The following CCDC62 variants were observed in gnomAD, a reference collection of about 807,000 sequenced individuals.
CCDC62 encodes the protein coiled-coil domain containing 62, also known as coiled-coil domain-containing protein 62.
In CCDC62, 72 loss-of-function variants were observed where a neutral mutation model predicts 80.8. That is an observed-to-expected ratio of 0.89 (90% CI 0.74 to 1.08). The LOEUF (loss-of-function observed/expected upper bound fraction) is 1.08, where lower values mean the gene tolerates loss of function less well. Ranked by LOEUF, CCDC62 falls within the 50% of genes least tolerant of loss-of-function variation. The pLI is 0.00. For missense variants in CCDC62, 704 were observed against 809.4 expected, an observed-to-expected ratio of 0.87 and a Z score of 1.58; for synonymous variants, 286 against 296.5, an observed-to-expected ratio of 0.96 and a Z score of 0.36.
intron 6 of CCDC62, among the ~76,000 whole-genome samples, chr12:122,793,257 G>A (rs2030739593): frequency 6.6e-6 from 1 of 152,144 alleles, no homozygotes; most frequent in Non-Finnish European, 1.5e-5. Flanking sequence ...TGTACCCCTA[G>A]TAAAAGGGGG....
chr12:122,803,245 C>A (rs2031407021), intron 9 of CCDC62, among the ~76,000 whole-genome samples: 1 of 152,128 alleles, frequency 6.6e-6, no homozygotes, highest in Non-Finnish European at 1.5e-5. Flanking sequence ...CATTTCATAT[C>A]TGTTTGAGAC....
chr12:122,802,410 CTTTTTTTTTTT>C (rs752001572), intron 9 of CCDC62, among the ~76,000 whole-genome samples: 1 of 126,870 alleles, frequency 7.9e-6, no homozygotes, highest in African/African-American at 3.0e-5. Flanking sequence ...TATCTCTACA[CTTTTTTTTTTT>C]TTTTTTTTTG....
intron 9 of CCDC62, among the ~76,000 whole-genome samples, chr12:122,804,361 CCTGTAG>C: frequency 6.6e-6 from 1 of 152,192 alleles, no homozygotes; most frequent in African/African-American, 2.4e-5. Flanking sequence ...GTGGCACACG[CCTGTAG>C]TCCCAGCTAC....
chr12:122,786,470 A>T (rs369911928), intron 4 of CCDC62, among the ~76,000 whole-genome samples: 131 of 152,038 alleles, frequency 8.6e-4, no homozygotes, highest in African/African-American at 3.0e-3. Flanking sequence ...AATGGAGAGA[A>T]AAACCATCTG....
intron 6 of CCDC62, among the ~76,000 whole-genome samples, chr12:122,793,894 C>T (rs762373306): frequency 2.6e-5 from 4 of 152,124 alleles, no homozygotes; most frequent in African/African-American, 4.8e-5. Context: ...AGTGATAACC[C>T]GTTAACGCTG....
At chr12:122,786,813 C>A (rs1380378998) in intron 4 of CCDC62, among the ~76,000 whole-genome samples, 2 of 151,662 alleles carry the variant, frequency 1.3e-5, no homozygotes, top group Non-Finnish European at 2.9e-5. Context: ...ACAAAAAATT[C>A]CCCGGGCGAG....
intron 10 of CCDC62, among the ~76,000 whole-genome samples, chr12:122,809,430 C>T (rs2031771299): frequency 6.6e-6 from 1 of 152,122 alleles, no homozygotes; most frequent in Non-Finnish European, 1.5e-5. Context: ...GCGGAGGCTG[C>T]AGCAAGCTGA....
intron 10 of CCDC62, among the ~76,000 whole-genome samples, chr12:122,812,746 A>G (rs2031957009): frequency 7.7e-6 from 1 of 130,030 alleles, no homozygotes; most frequent in African/African-American, 3.0e-5. Context: ...AGAAAGAGAG[A>G]GAGAGGGAGG....
At chr12:122,814,197 C>A (rs1180895721) in intron 11 of CCDC62, among the ~76,000 whole-genome samples, 1 of 147,298 alleles carries the variant, frequency 6.8e-6, no homozygotes, top group Non-Finnish European at 1.5e-5. Flanking sequence ...AGGAGAATTG[C>A]TTGAACCCCG....
intron 11 of CCDC62, among the ~76,000 whole-genome samples, chr12:122,814,279 C>CA (rs1242349597): frequency 0.012 from 1,382 of 119,464 alleles, 25 homozygotes; most frequent in African/African-American, 0.044. Context: ...AGCTCCACCT[C>CA]AAAAAAAAAA....
intron 3 of CCDC62, among the ~76,000 whole-genome samples, chr12:122,783,385 G>A (rs954200630): frequency 3.3e-4 from 50 of 151,618 alleles, no homozygotes; most frequent in Admixed American, 3.0e-3. Context: ...CCGCCACCAC[G>A]CCCGGCTAAT....
rs1387473716 is a variant in CCDC62 at position 122,801,338 on chromosome 12, A to G, written c.1192A>G (p.Ile398Val). 7.4e-6 allele frequency: 12 copies of G among 1,614,186 alleles called. No individual in the cohort carries two copies. The highest frequency in any genetic ancestry group is 1.0e-5 in the Non-Finnish European group (12 of 1,180,012). The change falls in exon 9 of 13, where the codon ATA becomes GTA. Residue 398 changes from isoleucine (I) to valine (V), a missense_variant. Transcript: ENST00000253079. ...GAAAAGTGTAATTACGCTGTCATCC[A>G]TATTCACCAAAGACTTAGTAGAGAA... ...GEKSVITLSSIFTKDLVEKHN... is the reference protein window; with the variant it reads ...GEKSVITLSSVFTKDLVEKHN...
intron 4 of CCDC62, among the ~76,000 whole-genome samples, chr12:122,787,478 G>T (rs551998890): frequency 7.4e-5 from 11 of 149,192 alleles, no homozygotes; most frequent in Non-Finnish European, 1.5e-5. Flanking sequence ...AAGGTCGGTC[G>T]TGGTGGCTCA....
chr12:122,824,270 G>A lies in CCDC62; in HGVS notation c.*40+811G>A, dbSNP rs570904777. Among the ~76,000 whole-genome samples, 3 of 151,982 alleles carry A rather than the reference G, an allele frequency of 2.0e-5. No individual in the cohort carries two copies. In the East Asian group the frequency reaches 5.8e-4, roughly 30 times the overall value. ...GTTTCTACTAAAAATACAAAAATTA[G>A]CCAAGCATGGTGGCGGGCACCTGTA... On this transcript the variant is annotated intron_variant, in intron 12 of 12. Coordinates refer to ENST00000253079, the MANE Select transcript of CCDC62 (RefSeq NM_201435.5).
chr12:122,816,056 T>G (rs1459057801), intron 11 of CCDC62, among the ~76,000 whole-genome samples: 2 of 152,202 alleles, frequency 1.3e-5, no homozygotes, highest in East Asian at 3.9e-4. Context: ...ACATTAATCA[T>G]TTTAGAATCA....
At chr12:122,810,937 G>C (rs1305019127) in intron 10 of CCDC62, among the ~76,000 whole-genome samples, 1 of 149,724 alleles carries the variant, frequency 6.7e-6, no homozygotes, top group Non-Finnish European at 1.5e-5. Context: ...ACCAAACACT[G>C]CATGTTCTCA....
In CCDC62 at chr12:122,815,209, G is replaced by C. The variant is rs574230856; in HGVS notation, c.2001+1790G>C. On this transcript the variant is annotated intron_variant, in intron 11 of 12. Transcript: ENST00000253079. ...TCTTCCCACCTCAGCCTCCTGAGTA[G>C]CTGGGATTACACGTACACGAAACCA... 3.3e-5 allele frequency among the ~76,000 whole-genome samples: 5 copies of C among 152,208 alleles called. 1 individual carries two copies. Among genetic ancestry groups the C allele is most frequent in the South Asian group, 4.1e-4 (2 of 4,828 alleles).
At chr12:122,803,892 A>G (rs7309225) in intron 9 of CCDC62, among the ~76,000 whole-genome samples, 125,994 of 152,084 alleles carry the variant, frequency 0.83, 52,683 homozygotes, top group Middle Eastern at 0.91. Flanking sequence ...AACGTATGAA[A>G]TAAGTTCAGA....
intron 2 of CCDC62, among the ~76,000 whole-genome samples, chr12:122,780,636 A>C (rs1355089361): frequency 6.7e-6 from 1 of 149,554 alleles, no homozygotes; most frequent in Non-Finnish European, 1.5e-5. Flanking sequence ...AAATAAAATA[A>C]AATAAAATAA....
Sources: allele counts gnomAD v4.1 joint callset (sites outside exome capture counted in the v4.1 genomes callset), GRCh38; gene constraint gnomAD v4.1.1; transcripts MANE v1.5; gene names NCBI Gene and HGNC (gene_info 2026-07-23, HGNC 2026-07-21).